VPS13D: variants seen among roughly 807,000 people sequenced by gnomAD.
The protein encoded by VPS13D is vacuolar protein sorting 13 homolog D, also known as intermembrane lipid transfer protein VPS13D.
A neutral mutation model predicts 461.9 loss-of-function variants in VPS13D; 187 were observed. The ratio of observed to expected loss-of-function variants is 0.40; its 90% CI spans 0.36 to 0.46. The LOEUF is 0.46. VPS13D is among the 20% of genes least tolerant of loss of function. The probability of loss-of-function intolerance (pLI) is 0.60; values close to 1 mark genes in which losing one functional copy is unlikely to be tolerated. For missense variants in VPS13D, 4,711 were observed against 5,364.9 expected, an observed-to-expected ratio of 0.88 and a Z score of 3.81; for synonymous variants, 1,951 against 1,986.3, an observed-to-expected ratio of 0.98 and a Z score of 0.47.
intron 29 of VPS13D, among the ~76,000 whole-genome samples, chr1:12,312,230 T>A (rs999652310): frequency 1.3e-5 from 2 of 152,220 alleles, no homozygotes; most frequent in Non-Finnish European, 2.9e-5. Context: ...CTGCTTGTTG[T>A]AGTCGCTTAG....
At chr1:12,292,262 C>T (rs1470299814) in intron 23 of VPS13D, among the ~76,000 whole-genome samples, 2 of 12,244 alleles carry the variant, frequency 1.6e-4, no homozygotes, top group South Asian at 9.7e-3. Flanking sequence ...AACTCCATCT[C>T]AAAAAAAAAA....
intron 67 of VPS13D, among the ~76,000 whole-genome samples, chr1:12,472,566 C>T (rs1430835684): frequency 2.0e-5 from 3 of 152,212 alleles, no homozygotes; most frequent in African/African-American, 7.2e-5. Flanking sequence ...CATTTCAGCG[C>T]CACGTGTCCA....
chr1:12,271,256 T>C, intron 17 of VPS13D, 132 bp downstream of exon 17: 1 of 1,154,898 alleles, frequency 8.7e-7, no homozygotes, highest in Non-Finnish European at 1.2e-6. Context: ...AAATATTAAA[T>C]CCTTATCAGC....
In VPS13D at chr1:12,323,747, G is replaced by T. The variant is rs1163084322; in HGVS notation, c.7957G>T (p.Asp2653Tyr). 1 of 1,614,094 alleles carries T rather than the reference G, an allele frequency of 6.2e-7. No homozygotes were observed. Among genetic ancestry groups the T allele is most frequent in the Non-Finnish European group, 8.5e-7 (1 of 1,179,954 alleles). Reference sequence around the variant, plus strand: ...GCTGCAGGAGCTGGGATTCAGCATGGATGATTGTCGCAAAGCTCTTTTGGC... The same window carrying T: ...GCTGCAGGAGCTGGGATTCAGCATGTATGATTGTCGCAAAGCTCTTTTGGC... ...ARLQELGFSM[D>Y]DCRKALLACQ... Residue 2653 changes from aspartate to tyrosine, a missense_variant, in exon 35 of 70, where the codon GAT becomes TAT. Physicochemically the swap from Asp to Tyr is radical, Grantham distance 160 (BLOSUM62 -3). Coordinates refer to ENST00000620676, the MANE Select transcript of VPS13D (RefSeq NM_015378.4).
chr1:12,295,884 A>G (rs1293806515), intron 24 of VPS13D, among the ~76,000 whole-genome samples: 5 of 152,226 alleles, frequency 3.3e-5, no homozygotes, highest in Non-Finnish European at 7.3e-5. Flanking sequence ...ATCCTTTAAA[A>G]TTAAAAAGAA....
At position 12,376,682 on chromosome 1, in the gene VPS13D, T is replaced by G. The variant is rs139852384; in HGVS notation, c.10918-1746T>G. Reference sequence around the variant, plus strand: ...CATGCTACTTTGTTAGTTTTTACCTTGTAGAATGTGATAAAAAGCTATCTG... The same window carrying G: ...CATGCTACTTTGTTAGTTTTTACCTGGTAGAATGTGATAAAAAGCTATCTG... On this transcript the variant is annotated intron_variant, in intron 55 of 69. Coordinates refer to ENST00000620676, the MANE Select transcript of VPS13D (RefSeq NM_015378.4). 2.0e-3 allele frequency among the ~76,000 whole-genome samples: 311 copies of G among 152,344 alleles called. 1 individual carries two copies. Among genetic ancestry groups the G allele is most frequent in the Non-Finnish European group, 3.8e-3 (257 of 68,022 alleles).
At chr1:12,312,191 C>T (rs1006066454) in intron 29 of VPS13D, among the ~76,000 whole-genome samples, 10 of 152,146 alleles carry the variant, frequency 6.6e-5, no homozygotes, top group Admixed American at 2.6e-4. Context: ...CTCCCTCATA[C>T]TCTGTGACCA....
At chr1:12,378,845 C>A (rs1644236847) in intron 56 of VPS13D, among the ~76,000 whole-genome samples, 1 of 152,182 alleles carries the variant, frequency 6.6e-6, no homozygotes, top group Non-Finnish European at 1.5e-5. Flanking sequence ...GTGATTATTT[C>A]TTCCACCCAA....
At chr1:12,432,775 C>T (rs1000911244) in intron 65 of VPS13D, among the ~76,000 whole-genome samples, 6 of 151,826 alleles carry the variant, frequency 4.0e-5, no homozygotes, top group African/African-American at 4.8e-5. Flanking sequence ...TTTTTTTTCT[C>T]GTAGAGATGG....
chr1:12,429,802 A>T (rs764739309), intron 65 of VPS13D, among the ~76,000 whole-genome samples: 1 of 152,174 alleles, frequency 6.6e-6, no homozygotes, highest in Non-Finnish European at 1.5e-5. Context: ...GGCTCTCATG[A>T]AGCCAGGTGG....
rs1643744259 is a variant in VPS13D at position 12,349,262 on chromosome 1, G to A, written c.9319G>A (p.Val3107Ile). The A allele has an allele frequency of 6.2e-7, 1 of 1,614,152 alleles. No individual in the cohort carries two copies. Among genetic ancestry groups the A allele is most frequent in the South Asian group, 1.1e-5 (1 of 91,070 alleles). The part of the protein sequence containing the change: ...RLQARPKGLG[V>I]FFCKAPIHWT... The stretch of plus-strand genomic sequence containing the variant: ...ACAGGCCCGGCCCAAAGGATTGGGT[G>A]TATTTTTCTGTAAGGCTCCCATTCA... The change falls in exon 46 of 70, where the codon GTA becomes ATA. Residue 3107 changes from valine to isoleucine, a missense_variant. Val to Ile is a conservative substitution (Grantham distance 29). Transcript: ENST00000620676.
Position 12,363,096 on chromosome 1 carries a change from A to G in VPS13D, c.10297A>G (p.Ile3433Val), listed in dbSNP as rs1643975086. 1 of 1,613,990 alleles carries G rather than the reference A, an allele frequency of 6.2e-7. No individual in the cohort carries two copies. Among genetic ancestry groups the G allele is most frequent in the Non-Finnish European group, 8.5e-7 (1 of 1,180,030 alleles). The change falls in exon 52 of 70, where the codon ATT becomes GTT. Residue 3433 changes from isoleucine to valine, a missense_variant. This residue lies in a region of VPS13D where 4,411 missense variants were observed against 4,937.8 expected (regional missense o/e 0.89). Coordinates refer to ENST00000620676, the MANE Select transcript of VPS13D (RefSeq NM_015378.4). Reference protein sequence around the residue: ...GQGTANPEGYISTLPGSSVVF... With the variant: ...GQGTANPEGYVSTLPGSSVVF... ...GGGAACAGCCAATCCCGAAGGTTAC[A>G]TTTCCACCCTTCCTGGTTCCAGTGT...
At chr1:12,422,262 A>G (rs1459870337) in intron 65 of VPS13D, among the ~76,000 whole-genome samples, 5 of 152,184 alleles carry the variant, frequency 3.3e-5, no homozygotes, top group Admixed American at 3.3e-4. Flanking sequence ...GTTCTTAACA[A>G]ATTATTTTCA....
intron 67 of VPS13D, among the ~76,000 whole-genome samples, chr1:12,492,303 A>G (rs905168595): frequency 1.2e-4 from 18 of 152,394 alleles, no homozygotes; most frequent in Admixed American, 1.2e-3. Context: ...TATAGGCTGA[A>G]AGGAGAAGAT....
Position 12,311,607 on chromosome 1 carries a change from A to G in VPS13D, c.6804A>G (p.Leu2268=), listed in dbSNP as rs1174638333. The G allele has an allele frequency of 6.2e-7, 1 of 1,614,170 alleles. No individual in the cohort carries two copies. The highest frequency in any genetic ancestry group is 1.3e-5 in the African/African-American group (1 of 75,068). The change falls in exon 28 of 70, where the codon TTA becomes TTG. Residue 2268 remains leucine, a synonymous_variant. Coordinates refer to ENST00000620676, the MANE Select transcript of VPS13D (RefSeq NM_015378.4). ...AGGAATTTATGCGGCCTTATGATTT[A>G]CAAGATCCAAGAATTCATGTGAGTG... ...PIEEFMRPYD[L]QDPRIHTVLS...
intron 65 of VPS13D, among the ~76,000 whole-genome samples, chr1:12,446,236 G>T (rs1645190492): frequency 6.6e-6 from 1 of 152,074 alleles, no homozygotes; most frequent in Non-Finnish European, 1.5e-5. Flanking sequence ...CCAGCATGGT[G>T]TGAAACCCCA....
chr1:12,273,724 C>T (rs1025705558), intron 18 of VPS13D, among the ~76,000 whole-genome samples: 2 of 152,016 alleles, frequency 1.3e-5, no homozygotes, highest in African/African-American at 2.4e-5. Context: ...TAATATATAC[C>T]GATACTTCCT....
At chr1:12,491,861 C>A (rs904151341) in intron 67 of VPS13D, among the ~76,000 whole-genome samples, 2 of 152,176 alleles carry the variant, frequency 1.3e-5, no homozygotes, top group South Asian at 2.1e-4. Context: ...ATTTGTAAAC[C>A]GCAGCAGCTG....
intron 67 of VPS13D, among the ~76,000 whole-genome samples, chr1:12,470,262 T>C (rs1254496056): frequency 6.6e-6 from 1 of 152,220 alleles, no homozygotes; most frequent in Non-Finnish European, 1.5e-5. Context: ...GAATCCATGG[T>C]AACCTCGCGG....
Sources: allele counts gnomAD v4.1 joint callset (sites outside exome capture counted in the v4.1 genomes callset), GRCh38; gene constraint gnomAD v4.1.1; regional missense constraint gnomAD v4.1.1; transcripts MANE v1.5; gene names NCBI Gene and HGNC (gene_info 2026-07-23, HGNC 2026-07-21).